Variants in AFF2 observed in about 807,000 individuals in gnomAD.
AFF2 encodes the protein ALF transcription elongation factor 2, also known as AF4/FMR2 family member 2.
Under a neutral mutation model 76.9 loss-of-function variants are expected in AFF2, and 14 were observed. The ratio of observed to expected loss-of-function variants is 0.18; its 90% CI spans 0.12 to 0.28. The LOEUF is 0.28. Ranked by LOEUF, AFF2 falls within the 10% of genes least tolerant of loss-of-function variation. The pLI is 1.00. For missense variants in AFF2, 868 were observed against 1,001.1 expected (o/e 0.87, Z 1.79); for synonymous variants, 398 against 366.7 (o/e 1.09, Z -0.98).
chrX:148,750,053 C>T (rs2055478064), intron 3 of AFF2, among the ~76,000 whole-genome samples: 1 of 109,563 alleles, frequency 9.1e-6, no homozygotes, highest in South Asian at 3.9e-4. Context: ...CTGCAACCTC[C>T]GTTCCCCGGG....
chrX:148,839,777 G>C (rs959745963), intron 5 of AFF2, among the ~76,000 whole-genome samples: 3 of 111,107 alleles, frequency 2.7e-5, no homozygotes, highest in Admixed American at 9.7e-5. Flanking sequence ...AGAGGAAAGA[G>C]TGCTGTCTTA....
At chrX:148,589,197 G>A (rs782168264) in intron 1 of AFF2, among the ~76,000 whole-genome samples, 18 of 111,141 alleles carry the variant, frequency 1.6e-4, no homozygotes, top group Non-Finnish European at 3.0e-4. Context: ...TGCCACGGAC[G>A]TTAATTCTTG....
At chrX:148,511,834 G>T (rs1322393150) in intron 1 of AFF2, among the ~76,000 whole-genome samples, 1 of 112,670 alleles carries the variant, frequency 8.9e-6, no homozygotes, top group Admixed American at 9.4e-5. Flanking sequence ...AGTTGAAGAT[G>T]AGCTGATAAT....
chrX:148,880,163 C>G (rs2124126360), intron 7 of AFF2, among the ~76,000 whole-genome samples: 1 of 111,951 alleles, frequency 8.9e-6, no homozygotes, highest in Non-Finnish European at 1.9e-5. Context: ...CTGTAGGATT[C>G]CCAGTGAGGT....
At chrX:148,811,224 C>T (rs2124641511) in intron 4 of AFF2, among the ~76,000 whole-genome samples, 1 of 110,920 alleles carries the variant, frequency 9.0e-6, no homozygotes, top group East Asian at 2.9e-4. Context: ...CAGTTTCATC[C>T]AAAACCAACT....
intron 1 of AFF2, among the ~76,000 whole-genome samples, chrX:148,614,899 A>G (rs1647334247): frequency 9.4e-6 from 1 of 106,781 alleles, no homozygotes; most frequent in Admixed American, 1.0e-4. Context: ...ACAGGCAAAG[A>G]TAAAGGACAA....
At chrX:148,958,917 T>C (rs1557287706) in intron 12 of AFF2, among the ~76,000 whole-genome samples, 1 of 109,829 alleles carries the variant, frequency 9.1e-6, no homozygotes, top group African/African-American at 3.3e-5. Context: ...TGCTTCCTCT[T>C]TGATGTCATT....
At chrX:148,590,648 T>C (rs1279962845) in intron 1 of AFF2, among the ~76,000 whole-genome samples, 1 of 111,774 alleles carries the variant, frequency 8.9e-6, no homozygotes, top group Admixed American at 9.5e-5. Context: ...CTTTAAGAAA[T>C]ACCCACATAC....
At position 148,996,322 on chromosome X, in the gene AFF2, A is replaced by T. The variant is rs1288215741; in HGVS notation, c.*4990A>T. 1 of 113,040 alleles carries T rather than the reference A, an allele frequency of 8.8e-6. No individual in the cohort carries two copies. Among genetic ancestry groups the T allele is most frequent in the Non-Finnish European group, 1.9e-5 (1 of 53,407 alleles). 9.3% of individuals were successfully genotyped at this position (113,040 alleles called of 1,213,427 possible). On this transcript the variant is annotated 3_prime_UTR_variant, in exon 21 of 21. Transcript: ENST00000370460. The stretch of plus-strand genomic sequence containing the variant: ...GTGGTGTGCTGGTAAAATGTTTAAC[A>T]ACCAGCTCGCTGAGAATAGAAAGCA...
At chrX:148,871,071 G>A (rs997771261) in intron 7 of AFF2, among the ~76,000 whole-genome samples, 1 of 111,301 alleles carries the variant, frequency 9.0e-6, no homozygotes, top group Admixed American at 9.5e-5. Flanking sequence ...TGTGGTTGTG[G>A]GGAGCGGGTG....
chrX:148,781,449 G>C (rs1219941098), intron 3 of AFF2, among the ~76,000 whole-genome samples: 2 of 112,510 alleles, frequency 1.8e-5, no homozygotes, highest in Non-Finnish European at 3.8e-5. Context: ...TAAATAGGCA[G>C]TCTGACTATA....
chrX:148,623,600 A>AATATATATAT (rs782158598), intron 1 of AFF2, among the ~76,000 whole-genome samples: 7,789 of 101,279 alleles, frequency 0.077, 319 homozygotes, highest in Non-Finnish European at 0.093. Flanking sequence ...CAAACATTTG[A>AATATATATAT]ATATATATAT....
chrX:148,942,341 G>T (rs886713716), intron 9 of AFF2, among the ~76,000 whole-genome samples: 1 of 110,493 alleles, frequency 9.1e-6, no homozygotes, highest in Non-Finnish European at 1.9e-5. Flanking sequence ...CTAAGGTAGG[G>T]TGTTGATAGA....
At chrX:148,703,581 G>A (rs2054828545) in intron 3 of AFF2, among the ~76,000 whole-genome samples, 1 of 111,650 alleles carries the variant, frequency 9.0e-6, no homozygotes, top group Admixed American at 9.6e-5. Flanking sequence ...GAGTTTTTGA[G>A]AGTAAATCTC....
intron 4 of AFF2, among the ~76,000 whole-genome samples, chrX:148,834,394 C>T (rs782347864): frequency 1.9e-4 from 21 of 110,881 alleles, no homozygotes; most frequent in Non-Finnish European, 3.8e-4. Flanking sequence ...CTCAGTTGCC[C>T]GTTGGGAATA....
intron 1 of AFF2, among the ~76,000 whole-genome samples, chrX:148,600,207 A>G (rs1246374518): frequency 1.8e-5 from 2 of 111,896 alleles, no homozygotes; most frequent in African/African-American, 6.5e-5. Flanking sequence ...CTTGTGTGGA[A>G]TTTAGCAACA....
At chrX:148,749,482 T>A (rs1409246506) in intron 3 of AFF2, among the ~76,000 whole-genome samples, 1 of 111,606 alleles carries the variant, frequency 9.0e-6, no homozygotes, top group Non-Finnish European at 1.9e-5. Flanking sequence ...AGAGTAAAGT[T>A]ATTTTAATTG....
intron 3 of AFF2, 84 bp downstream of exon 3, chrX:148,662,852 C>T: frequency 9.9e-7 from 1 of 1,008,095 alleles, no homozygotes; most frequent in Non-Finnish European, 1.3e-6. Flanking sequence ...TCACAAGCAG[C>T]TCTCATTTAC....
intron 7 of AFF2, among the ~76,000 whole-genome samples, chrX:148,868,783 C>G (rs1557277065): frequency 6.2e-5 from 7 of 112,246 alleles, no homozygotes; most frequent in Admixed American, 4.7e-4. Context: ...AAGATAATGC[C>G]TTGTTGCTGC....
Sources: allele counts gnomAD v4.1 joint callset (sites outside exome capture counted in the v4.1 genomes callset), GRCh38; gene constraint gnomAD v4.1.1; transcripts MANE v1.5; gene names NCBI Gene and HGNC (gene_info 2026-07-23, HGNC 2026-07-21).